The following ITPR1 variants were observed in gnomAD, a reference collection of about 807,000 sequenced individuals.
The protein encoded by ITPR1 is inositol 1,4,5-trisphosphate receptor type 1.
Under a neutral mutation model 318.4 loss-of-function variants are expected in ITPR1, and 96 were observed. That is an observed-to-expected ratio of 0.30 (90% CI 0.26 to 0.36). The LOEUF is 0.36. ITPR1 is among the 10% of genes least tolerant of loss of function. The pLI is 1.00. For missense variants in ITPR1, 2,440 were observed against 3,460.2 expected (o/e 0.71, Z 7.40); for synonymous variants, 1,312 against 1,289.9 (o/e 1.02, Z -0.37).
chr3:4,790,572 C>A (rs143173854), intron 52 of ITPR1, among the ~76,000 whole-genome samples: 2 of 152,096 alleles, frequency 1.3e-5, no homozygotes, highest in South Asian at 4.1e-4. Context: ...ATGTACTCAT[C>A]GGAAATACAA....
At chr3:4,542,152 C>T (rs2084516633) in intron 4 of ITPR1, among the ~76,000 whole-genome samples, 1 of 152,200 alleles carries the variant, frequency 6.6e-6, no homozygotes, top group South Asian at 2.1e-4. Flanking sequence ...TTCTACTTTA[C>T]TTCCTGTTAC....
At chr3:4,597,047 A>G (rs540017975) in intron 4 of ITPR1, among the ~76,000 whole-genome samples, 1 of 152,346 alleles carries the variant, frequency 6.6e-6, no homozygotes, top group East Asian at 1.9e-4. Flanking sequence ...AAAAGGAACT[A>G]TGTGGCCTGT....
At chr3:4,607,312 A>G (rs2091769376) in intron 4 of ITPR1, among the ~76,000 whole-genome samples, 1 of 152,130 alleles carries the variant, frequency 6.6e-6, no homozygotes, top group African/African-American at 2.4e-5. Context: ...TGTTGTTAGA[A>G]TTCAGTTATC....
chr3:4,633,059 G>T (rs576265070), intron 5 of ITPR1, among the ~76,000 whole-genome samples: 2 of 149,476 alleles, frequency 1.3e-5, no homozygotes, highest in African/African-American at 5.0e-5. Flanking sequence ...CTGCCTTAGC[G>T]TCCTGAGTAG....
At chr3:4,538,358 C>T (rs948055013) in intron 4 of ITPR1, among the ~76,000 whole-genome samples, 18 of 152,118 alleles carry the variant, frequency 1.2e-4, no homozygotes, top group South Asian at 2.1e-4. Flanking sequence ...TACCATCTCA[C>T]GCCAGTCAGA....
chr3:4,550,525 A>G (rs1331478918), intron 4 of ITPR1, among the ~76,000 whole-genome samples: 2 of 152,222 alleles, frequency 1.3e-5, no homozygotes, highest in African/African-American at 4.8e-5. Flanking sequence ...TTACATGAAA[A>G]ATAGAAATTC....
intron 4 of ITPR1, among the ~76,000 whole-genome samples, chr3:4,563,415 A>G (rs2086885203): frequency 1.3e-5 from 2 of 152,140 alleles, no homozygotes; most frequent in South Asian, 4.1e-4. Flanking sequence ...AGGCTGAGGT[A>G]GGAGGATTTC....
chr3:4,596,159 T>A (rs761051637), intron 4 of ITPR1: 7 of 152,208 alleles, frequency 4.6e-5, no homozygotes, highest in Non-Finnish European at 7.3e-5. Flanking sequence ...CGAGCTTAAG[T>A]TGCTATCTAT....
chr3:4,808,786 T>G (rs1346228420), intron 55 of ITPR1, among the ~76,000 whole-genome samples: 2 of 152,028 alleles, frequency 1.3e-5, no homozygotes, highest in Admixed American at 1.3e-4. Context: ...TGTTCCAGAG[T>G]TGGGAGAGCT....
chr3:4,673,025 T>A, intron 20 of ITPR1, 111 bp from the exon 21 acceptor site: 1 of 1,183,966 alleles, frequency 8.4e-7, no homozygotes, highest in Non-Finnish European at 1.2e-6. Flanking sequence ...GATGTATGAG[T>A]TTAGTTGGCC....
At chr3:4,808,262 CTG>C (rs1359634000) in intron 55 of ITPR1, among the ~76,000 whole-genome samples, 1 of 152,240 alleles carries the variant, frequency 6.6e-6, no homozygotes, top group African/African-American at 2.4e-5. Flanking sequence ...CCTGAGGAAA[CTG>C]AGGCTTGGTG....
chr3:4,653,674 C>T (rs2093644467), intron 11 of ITPR1, among the ~76,000 whole-genome samples, 168 bp from the exon 12 acceptor site: 1 of 152,164 alleles, frequency 6.6e-6, no homozygotes, highest in African/African-American at 2.4e-5. Context: ...GTGCTGTACC[C>T]ATGTGACCTG....
chr3:4,760,020 G>A (rs1051925779), intron 44 of ITPR1, among the ~76,000 whole-genome samples: 4 of 152,216 alleles, frequency 2.6e-5, no homozygotes, highest in Non-Finnish European at 5.9e-5. Flanking sequence ...GGATCTGCCC[G>A]CAGACCAGCT....
intron 24 of ITPR1, among the ~76,000 whole-genome samples, chr3:4,677,458 T>C (rs1363654030): frequency 6.6e-6 from 1 of 152,150 alleles, no homozygotes; most frequent in Non-Finnish European, 1.5e-5. Flanking sequence ...TACAGTGACA[T>C]GATTACACAC....
At chr3:4,807,497 A>G (rs2048655732) in intron 55 of ITPR1, among the ~76,000 whole-genome samples, 1 of 152,188 alleles carries the variant, frequency 6.6e-6, no homozygotes, top group Admixed American at 6.5e-5. Context: ...CACAGGGATT[A>G]CATGCAGCTG....
At chr3:4,719,593 G>A (rs890525413) in intron 40 of ITPR1, among the ~76,000 whole-genome samples, 1 of 152,224 alleles carries the variant, frequency 6.6e-6, no homozygotes, top group Non-Finnish European at 1.5e-5. Context: ...CCAAGGCTGT[G>A]TAGGGCCTGC....
intron 10 of ITPR1, 58 bp downstream of exon 10, chr3:4,645,786 GCT>G (rs5846330): frequency 1.1e-4 from 104 of 962,656 alleles, no homozygotes; most frequent in East Asian, 1.5e-4. Context: ...CTGTATATAG[GCT>G]CTCTCTCTCT....
rs367750660 is a variant in ITPR1 at position 4,556,173 on chromosome 3, CAT to C, written c.163+35082_163+35083del. 5.3e-4 allele frequency among the ~76,000 whole-genome samples: 81 copies of C among 152,230 alleles called. 1 individual carries two copies. The East Asian group carries it at 0.014, about 26-fold the overall frequency. ...TTGATAGGAAGGTACAGAGGTTTCT[CAT>C]ATGTCCCTTCCCCTACTCCACAGCC... On this transcript the variant is annotated intron_variant, in intron 4 of 61. Transcript: ENST00000649015.
intron 33 of ITPR1, among the ~76,000 whole-genome samples, chr3:4,694,165 A>G (rs546898650): frequency 6.6e-6 from 1 of 151,726 alleles, no homozygotes; most frequent in African/African-American, 2.4e-5. Context: ...AAATTTAGGA[A>G]CTACAGACAA....
Sources: allele counts gnomAD v4.1 joint callset (sites outside exome capture counted in the v4.1 genomes callset), GRCh38; gene constraint gnomAD v4.1.1; transcripts MANE v1.5; gene names NCBI Gene and HGNC (gene_info 2026-07-23, HGNC 2026-07-21).